The following PPP1R12B variants were observed in gnomAD, a reference collection of about 807,000 sequenced individuals.
PPP1R12B encodes myosin phosphatase target subunit 2.
PPP1R12B carries 76 observed loss-of-function variants against 126.1 expected under a neutral mutation model. That is an observed-to-expected ratio of 0.60 (90% confidence interval 0.50 to 0.73). PPP1R12B has a LOEUF of 0.73. PPP1R12B is among the 30% of genes least tolerant of loss of function. PPP1R12B has a pLI of 0.00. For missense variants in PPP1R12B, 1,052 were observed against 1,205.1 expected (o/e 0.87, Z 1.88); for synonymous variants, 356 against 434.7 (o/e 0.82, Z 2.25).
intron 19 of PPP1R12B, 71 bp from the exon 20 acceptor site, chr1:202,562,707 C>T: frequency 6.7e-7 from 1 of 1,496,992 alleles, no homozygotes; most frequent in Non-Finnish European, 9.3e-7. Context: ...GCAAACTACC[C>T]CTGAGCATTA....
intron 19 of PPP1R12B, 49 bp from the exon 20 acceptor site, chr1:202,562,729 C>G: frequency 5.8e-6 from 9 of 1,562,030 alleles, no homozygotes; most frequent in Non-Finnish European, 7.9e-6. Flanking sequence ...CTTCTCCCCA[C>G]TACTTTGTTC....
intron 1 of PPP1R12B, among the ~76,000 whole-genome samples, chr1:202,385,220 G>A (rs765526798): frequency 1.7e-4 from 26 of 152,194 alleles, no homozygotes; most frequent in Non-Finnish European, 3.4e-4. Flanking sequence ...TAGCATCTCA[G>A]AAAATTACAT....
chr1:202,501,797 C>A, intron 18 of PPP1R12B: 7 of 954,580 alleles, frequency 7.3e-6, no homozygotes, highest in Non-Finnish European at 8.7e-6. Flanking sequence ...GTGAAGCAAA[C>A]CTGAAATTAG....
At chr1:202,505,668 T>G (rs1337880268) in intron 18 of PPP1R12B, among the ~76,000 whole-genome samples, 1 of 152,202 alleles carries the variant, frequency 6.6e-6, no homozygotes, top group East Asian at 1.9e-4. Flanking sequence ...GAACAACAGT[T>G]TGTCTAAGTT....
At chr1:202,567,380 CT>C (rs35011066) in intron 21 of PPP1R12B, 596 of 147,744 alleles carry the variant, frequency 4.0e-3, no homozygotes, top group Non-Finnish European at 5.2e-3. Flanking sequence ...AAAGAAAAGC[CT>C]TTTTTTTTTT....
chr1:202,516,899 A>G (rs909570522), intron 18 of PPP1R12B, among the ~76,000 whole-genome samples: 5 of 151,390 alleles, frequency 3.3e-5, no homozygotes, highest in African/African-American at 1.2e-4. Flanking sequence ...GAAAATAGCT[A>G]GTTATTGGAT....
intron 18 of PPP1R12B, among the ~76,000 whole-genome samples, chr1:202,510,381 A>G (rs113541586): frequency 1.1e-3 from 168 of 152,318 alleles, no homozygotes; most frequent in African/African-American, 3.7e-3. Flanking sequence ...AGGAGGTGAC[A>G]TGGTGGTAGC....
intron 18 of PPP1R12B, among the ~76,000 whole-genome samples, chr1:202,519,168 A>C (rs1037656256): frequency 6.6e-6 from 1 of 152,222 alleles, no homozygotes; most frequent in African/African-American, 2.4e-5. Flanking sequence ...TAAACAATTC[A>C]CATAAATTTT....
chr1:202,568,815 T>C (rs1688315528), intron 22 of PPP1R12B, among the ~76,000 whole-genome samples: 1 of 152,180 alleles, frequency 6.6e-6, no homozygotes, highest in Admixed American at 6.5e-5. Context: ...GCAAGGGCCC[T>C]AGTCACTTGC....
At position 202,413,280 on chromosome 1, in the gene PPP1R12B, G is replaced by A. The variant is rs561830725; in HGVS notation, c.292-3507G>A. Among the ~76,000 whole-genome samples, 18 of 152,206 alleles carry A rather than the reference G, an allele frequency of 1.2e-4. No individual in the cohort carries two copies. The South Asian group carries it at 1.9e-3, about 16-fold the overall frequency. ...AACCAAGTTATCTAGTTAAATTTTCGTCTAAATGAAATCACCCTTTTTTCA... is the reference window on the plus strand; with the variant it reads ...AACCAAGTTATCTAGTTAAATTTTCATCTAAATGAAATCACCCTTTTTTCA... On this transcript the variant is annotated intron_variant, in intron 1 of 23. Transcript: ENST00000608999.
At chr1:202,451,656 A>G (rs1672946906) in intron 13 of PPP1R12B, among the ~76,000 whole-genome samples, 1 of 151,996 alleles carries the variant, frequency 6.6e-6, no homozygotes, top group Non-Finnish European at 1.5e-5. Flanking sequence ...CGCCATTGTC[A>G]TCATGGCCCG....
In PPP1R12B at chr1:202,493,255, G is replaced by A; in HGVS notation, c.2083G>A (p.Ala695Thr). The A allele has an allele frequency of 6.2e-7, 1 of 1,612,966 alleles. No individual in the cohort carries two copies. Among genetic ancestry groups the A allele is most frequent in the Non-Finnish European group, 8.5e-7 (1 of 1,179,860 alleles). ...GAGCCCTGAGAAGCATGAGCCCTCAGCAGTTCCAGCAACAGAAGCTGGGGA... is the reference window on the plus strand; with the variant it reads ...GAGCCCTGAGAAGCATGAGCCCTCAACAGTTCCAGCAACAGAAGCTGGGGA... ...EGSPEKHEPSAVPATEAGEGQ... is the reference protein window; with the variant it reads ...EGSPEKHEPSTVPATEAGEGQ... The change falls in exon 15 of 24, where the codon GCA becomes ACA. Residue 695 changes from alanine to threonine, a missense_variant. By Grantham distance (58) the Ala-to-Thr change is moderately conservative. Coordinates refer to ENST00000608999, the MANE Select transcript of PPP1R12B (RefSeq NM_002481.4).
chr1:202,518,620 G>GA (rs1229833063), intron 18 of PPP1R12B, among the ~76,000 whole-genome samples: 1 of 152,224 alleles, frequency 6.6e-6, no homozygotes. Context: ...AGAGACCAGG[G>GA]AGAAAGTGAG....
chr1:202,382,429 A>AT lies in PPP1R12B; in HGVS notation c.291+33287_291+33288insT, dbSNP rs535541093. On this transcript the variant is annotated intron_variant, in intron 1 of 23. Coordinates refer to ENST00000608999, the MANE Select transcript of PPP1R12B (RefSeq NM_002481.4). ...CTAGAACTTAAAGTATAATAAAAAA[A>AT]ATATATATATAAAAGAAAAAGAAAA... Among the ~76,000 whole-genome samples the AT allele has an allele frequency of 1.2e-3, 174 of 150,818 alleles. 2 individuals are homozygous for AT. The highest frequency in any genetic ancestry group is 5.8e-3 in the East Asian group (30 of 5,176).
chr1:202,354,962 A>AC, intron 1 of PPP1R12B, among the ~76,000 whole-genome samples: 1 of 151,996 alleles, frequency 6.6e-6, no homozygotes, highest in African/African-American at 2.4e-5. Context: ...AGTAGCTGGG[A>AC]CCGCAGGTGC....
At chr1:202,562,274 G>A (rs1435114165) in intron 19 of PPP1R12B, among the ~76,000 whole-genome samples, 1 of 152,190 alleles carries the variant, frequency 6.6e-6, no homozygotes, top group Non-Finnish European at 1.5e-5. Context: ...AAATGTTTGG[G>A]ATTCCAGCAA....
At chr1:202,404,101 T>G (rs918366903) in intron 1 of PPP1R12B, among the ~76,000 whole-genome samples, 4 of 152,180 alleles carry the variant, frequency 2.6e-5, no homozygotes, top group Non-Finnish European at 5.9e-5. Flanking sequence ...TACAATTCTG[T>G]TAGTATCACT....
intron 13 of PPP1R12B, chr1:202,472,255 CTTTA>C (rs2148794787): frequency 1.1e-5 from 5 of 449,594 alleles, no homozygotes; most frequent in East Asian, 3.4e-5. Context: ...TATGAACGTT[CTTTA>C]TTTAACCATT....
chr1:202,427,290 T>C (rs988561958), intron 5 of PPP1R12B, 106 bp downstream of exon 5: 43 of 1,475,436 alleles, frequency 2.9e-5, no homozygotes, highest in Non-Finnish European at 3.6e-5. Context: ...TTGTGAAATA[T>C]ACATCACTGG....
Sources: allele counts gnomAD v4.1 joint callset (sites outside exome capture counted in the v4.1 genomes callset), GRCh38; gene constraint gnomAD v4.1.1; transcripts MANE v1.5; gene names NCBI Gene and HGNC (gene_info 2026-07-23, HGNC 2026-07-21).